MEIKIN: variants seen among roughly 807,000 people sequenced by gnomAD.
The protein encoded by MEIKIN is meiotic kinetochore factor.
intron 9 of MEIKIN, among the ~76,000 whole-genome samples, chr5:131,874,843 C>T (rs1177283429): frequency 4.6e-5 from 7 of 152,126 alleles, no homozygotes; most frequent in South Asian, 4.1e-4. Flanking sequence ...GTTCAACGTA[C>T]GAAAATCAAT....
chr5:131,862,132 A>G lies in MEIKIN; in HGVS notation c.775-7298T>C, dbSNP rs562235757. Among the ~76,000 whole-genome samples the G allele has an allele frequency of 7.9e-5, 12 of 152,158 alleles. No individual in the cohort carries two copies. In the South Asian group the frequency reaches 2.3e-3, roughly 29 times the overall value. On this transcript the variant is annotated intron_variant, in intron 9 of 12. Coordinates refer to ENST00000442687, the MANE Select transcript of MEIKIN (RefSeq NM_001303622.2). The stretch of plus-strand genomic sequence containing the variant: ...TATTATTGATTCAATCTCACTACTC[A>G]TTATTGGTCTGTTCAGATTTTCTAT...
intron 11 of MEIKIN, 59 bp downstream of exon 11, chr5:131,851,205 T>C (rs1173688694): frequency 2.5e-6 from 1 of 395,412 alleles, no homozygotes; most frequent in East Asian, 3.6e-5. Context: ...ATATACAAAG[T>C]ATCTAATGTA....
At chr5:131,885,319 G>A (rs1485590305) in intron 8 of MEIKIN, among the ~76,000 whole-genome samples, 2 of 137,156 alleles carry the variant, frequency 1.5e-5, no homozygotes, top group Non-Finnish European at 3.1e-5. Context: ...CCCACCCCCA[G>A]CTGCAGGCCA....
At chr5:131,899,876 T>G (rs977029043) in intron 8 of MEIKIN, among the ~76,000 whole-genome samples, 4 of 152,152 alleles carry the variant, frequency 2.6e-5, no homozygotes, top group African/African-American at 4.8e-5. Flanking sequence ...TTGCTGGAGA[T>G]TGCAACACTC....
At chr5:131,911,745 A>C in intron 8 of MEIKIN, 70 bp downstream of exon 8, 1 of 393,694 alleles carries the variant, frequency 2.5e-6, no homozygotes, top group South Asian at 1.4e-4. Flanking sequence ...AGCAAAAATA[A>C]ACACAGAATC....
chr5:131,877,085 C>T (rs1341116971), intron 9 of MEIKIN, among the ~76,000 whole-genome samples: 1 of 151,682 alleles, frequency 6.6e-6, no homozygotes, highest in Non-Finnish European at 1.5e-5. Context: ...CAACCTGGCA[C>T]ATGTATACAT....
At chr5:131,874,631 C>T (rs1002563140) in intron 9 of MEIKIN, among the ~76,000 whole-genome samples, 12 of 152,166 alleles carry the variant, frequency 7.9e-5, no homozygotes, top group African/African-American at 2.9e-4. Context: ...GGGAATCCTC[C>T]CTAACTCATT....
intron 8 of MEIKIN, among the ~76,000 whole-genome samples, chr5:131,888,318 T>C (rs1447753578): frequency 1.4e-5 from 2 of 142,698 alleles, no homozygotes; most frequent in Non-Finnish European, 3.1e-5. Context: ...TAGTTTACAG[T>C]CCCACCAACA....
intron 12 of MEIKIN, among the ~76,000 whole-genome samples, chr5:131,808,017 G>A (rs1204614629): frequency 1.3e-5 from 2 of 152,108 alleles, no homozygotes; most frequent in African/African-American, 4.8e-5. Flanking sequence ...TTCAAAGTGG[G>A]GTCCATGGAC....
chr5:131,822,934 A>ATT (rs70974019), intron 11 of MEIKIN, among the ~76,000 whole-genome samples: 1,258 of 116,868 alleles, frequency 0.011, 8 homozygotes, highest in African/African-American at 0.018. Flanking sequence ...TGCTTAAAGG[A>ATT]TTTTTTTTTT....
chr5:131,835,604 T>C (rs968845805), intron 11 of MEIKIN, among the ~76,000 whole-genome samples: 1 of 152,294 alleles, frequency 6.6e-6, no homozygotes, highest in East Asian at 1.9e-4. Context: ...TCTTTTTTTT[T>C]GTTTTTTGAG....
At chr5:131,837,842 C>A (rs1416711327) in intron 11 of MEIKIN, among the ~76,000 whole-genome samples, 4 of 152,028 alleles carry the variant, frequency 2.6e-5, no homozygotes, top group African/African-American at 9.7e-5. Context: ...ATTTCTATGC[C>A]CTTTATTTCC....
chr5:131,809,019 C>T (rs1327236964), intron 12 of MEIKIN, among the ~76,000 whole-genome samples: 1 of 152,090 alleles, frequency 6.6e-6, no homozygotes, highest in Non-Finnish European at 1.5e-5. Context: ...GCTGTGATCA[C>T]ACCACTGCAC....
At chr5:131,886,988 C>T (rs1019373290) in intron 8 of MEIKIN, among the ~76,000 whole-genome samples, 13 of 133,846 alleles carry the variant, frequency 9.7e-5, no homozygotes, top group African/African-American at 3.4e-4. Flanking sequence ...CCCCAGCTCC[C>T]CATCCCCTGA....
chr5:131,903,661 G>A (rs887669923), intron 8 of MEIKIN, among the ~76,000 whole-genome samples: 4 of 152,188 alleles, frequency 2.6e-5, no homozygotes, highest in African/African-American at 2.4e-5. Flanking sequence ...AAGAAAGACC[G>A]TTACCAGCCA....
chr5:131,878,173 T>G (rs1750646914), intron 9 of MEIKIN, among the ~76,000 whole-genome samples: 3 of 152,182 alleles, frequency 2.0e-5, no homozygotes, highest in African/African-American at 7.2e-5. Flanking sequence ...ATATACTCAT[T>G]TATAAGCTGC....
intron 9 of MEIKIN, among the ~76,000 whole-genome samples, chr5:131,873,354 C>G (rs547565799): frequency 2.0e-5 from 3 of 152,280 alleles, no homozygotes; most frequent in South Asian, 4.2e-4. Flanking sequence ...TAATCCTAGT[C>G]TCTGATAAAA....
intron 8 of MEIKIN, among the ~76,000 whole-genome samples, chr5:131,890,379 C>T (rs142869486): frequency 6.6e-6 from 1 of 152,108 alleles, no homozygotes. Flanking sequence ...AATTTCAGAA[C>T]CTGTTATTGG....
At chr5:131,845,506 C>G (rs1357629910) in intron 11 of MEIKIN, among the ~76,000 whole-genome samples, 1 of 150,992 alleles carries the variant, frequency 6.6e-6, no homozygotes, top group Non-Finnish European at 1.5e-5. Context: ...AAACAATTCT[C>G]TTTAAAAGAT....
Sources: gnomAD v4.1 joint callset for allele counts (sites outside exome capture counted in the v4.1 genomes callset) on GRCh38, gnomAD v4.1.1 for gene constraint, MANE v1.5 for transcripts, NCBI Gene and HGNC (gene_info 2026-07-23, HGNC 2026-07-21) for gene names.